Variants in RUFY1 observed in about 807,000 individuals in gnomAD.
RUFY1 encodes the protein RUN and FYVE domain-containing protein 1.
Under a neutral mutation model 94.6 loss-of-function variants are expected in RUFY1, and 54 were observed. The ratio of observed to expected loss-of-function variants is 0.57; its 90% CI spans 0.46 to 0.72. RUFY1 has a LOEUF of 0.72. RUFY1 is among the 30% of genes least tolerant of loss of function. The pLI is 0.00. For synonymous variants in RUFY1, 396 were observed against 347.3 expected, an observed-to-expected ratio of 1.14 and a Z score of -1.56; for missense variants, 883 against 883.9, an observed-to-expected ratio of 1.00 and a Z score of 0.01.
chr5:179,555,217 G>A (rs1002404185), intron 1 of RUFY1, among the ~76,000 whole-genome samples: 10 of 152,138 alleles, frequency 6.6e-5, no homozygotes, highest in Admixed American at 2.0e-4. Context: ...GCTCATGCCT[G>A]TAATCCCAGT....
intron 5 of RUFY1, among the ~76,000 whole-genome samples, chr5:179,574,560 C>T (rs563897413): frequency 6.6e-6 from 1 of 152,146 alleles, no homozygotes; most frequent in Non-Finnish European, 1.5e-5. Context: ...GTTCTTTGAC[C>T]ACTTTAACTT....
intron 17 of RUFY1, among the ~76,000 whole-genome samples, 168 bp from the exon 18 acceptor site, chr5:179,609,206 CAA>C (rs5873655): frequency 4.1e-3 from 499 of 121,372 alleles, no homozygotes; most frequent in Non-Finnish European, 5.0e-3. Flanking sequence ...GACTCTATCT[CAA>C]AAAAAAAAAA....
intron 13 of RUFY1, among the ~76,000 whole-genome samples, chr5:179,597,573 T>C (rs571457168): frequency 1.3e-5 from 2 of 152,120 alleles, no homozygotes; most frequent in South Asian, 4.1e-4. Flanking sequence ...GGTTTTGCCA[T>C]GTTGGCCAGG....
At chr5:179,594,522 G>A (rs1016074982) in intron 11 of RUFY1, among the ~76,000 whole-genome samples, 11 of 148,000 alleles carry the variant, frequency 7.4e-5, no homozygotes, top group South Asian at 4.4e-4. Flanking sequence ...AGCACTCTGG[G>A]AGGCCAAGGC....
intron 3 of RUFY1, chr5:179,562,889 A>G (rs1331699493): frequency 2.3e-6 from 1 of 433,966 alleles, no homozygotes. Context: ...TAGGTTGAAA[A>G]GGTGTTGTCA....
chr5:179,560,504 G>T (rs1027223690), intron 2 of RUFY1, among the ~76,000 whole-genome samples: 2 of 151,926 alleles, frequency 1.3e-5, no homozygotes, highest in African/African-American at 2.4e-5. Context: ...CGGATCACGA[G>T]GTCAGGATAT....
chr5:179,596,595 T>C lies in RUFY1; in HGVS notation c.1545T>C (p.Ala515=). The C allele has an allele frequency of 1.2e-6, 2 of 1,613,406 alleles. No individual in the cohort carries two copies. The highest frequency in any genetic ancestry group is 1.3e-5 in the African/African-American group (1 of 75,032). ...LQHSERARQG[A]EERSHKLQQE... is the part of the protein sequence containing the mutation. ...ACTCGGAGCGGGCGAGGCAGGGGGC[T>C]GAGGAGCGGAGCCACAAGCTGCAGC... Residue 515 remains alanine (A), a synonymous_variant, in exon 13 of 18, where the codon GCT becomes GCC. Transcript: ENST00000319449.
chr5:179,609,152 A>G (rs1581587112), intron 17 of RUFY1, among the ~76,000 whole-genome samples: 1 of 143,954 alleles, frequency 6.9e-6, no homozygotes, highest in Non-Finnish European at 1.5e-5. Flanking sequence ...GCTTGCAGTG[A>G]GCTGAGATCG....
intron 5 of RUFY1, among the ~76,000 whole-genome samples, chr5:179,576,708 A>G (rs1354910758): frequency 2.0e-5 from 3 of 152,184 alleles, no homozygotes; most frequent in Non-Finnish European, 4.4e-5. Flanking sequence ...GGCGTGAGCC[A>G]CCACGCCTGG....
At chr5:179,607,875 C>T (rs1473358094) in intron 17 of RUFY1, among the ~76,000 whole-genome samples, 2 of 152,210 alleles carry the variant, frequency 1.3e-5, no homozygotes, top group Non-Finnish European at 2.9e-5. Flanking sequence ...GTCATAGGCC[C>T]CTGGTCTCCA....
At chr5:179,598,055 T>C (rs1482722538) in intron 13 of RUFY1, among the ~76,000 whole-genome samples, 1 of 152,220 alleles carries the variant, frequency 6.6e-6, no homozygotes, top group Non-Finnish European at 1.5e-5. Context: ...CTGGGCGTGG[T>C]GGCGTGTGCC....
At chr5:179,583,725 ATATTTTTATT>A (rs1764364779) in intron 7 of RUFY1, among the ~76,000 whole-genome samples, 1 of 144,784 alleles carries the variant, frequency 6.9e-6, no homozygotes, top group Admixed American at 7.0e-5. Context: ...CCAGTCATTT[ATATTTTTATT>A]TATTTTTATT....
chr5:179,573,949 C>G (rs987125131), intron 5 of RUFY1, among the ~76,000 whole-genome samples: 7 of 152,310 alleles, frequency 4.6e-5, no homozygotes, highest in African/African-American at 1.4e-4. Flanking sequence ...TTATTGAATA[C>G]TATCCCTGAA....
chr5:179,560,269 G>T, intron 2 of RUFY1, 71 bp downstream of exon 2: 1 of 1,534,170 alleles, frequency 6.5e-7, no homozygotes, highest in Non-Finnish European at 8.8e-7. Context: ...TTTCATCAGC[G>T]CCAGACATCC....
chr5:179,551,445 CCAATA>C (rs1274291540), intron 1 of RUFY1, among the ~76,000 whole-genome samples: 4 of 152,236 alleles, frequency 2.6e-5, no homozygotes, highest in Admixed American at 2.0e-4. Flanking sequence ...GCTGTGCTAT[CCAATA>C]CAACAGCACG....
intron 1 of RUFY1, among the ~76,000 whole-genome samples, chr5:179,558,718 T>G (rs1392574115): frequency 6.6e-6 from 1 of 152,204 alleles, no homozygotes; most frequent in African/African-American, 2.4e-5. Flanking sequence ...GCTGAGATAA[T>G]TTTGAATTTT....
At chr5:179,603,462 C>G (rs1457640812) in intron 15 of RUFY1, 1 of 147,106 alleles carries the variant, frequency 6.8e-6, no homozygotes, top group Non-Finnish European at 1.5e-5. Flanking sequence ...GTGCCCTGTG[C>G]TGCTCCCGTC....
chr5:179,607,801 TCTC>T lies in RUFY1; in HGVS notation c.1983+145_1983+147del, dbSNP rs1314001555. On this transcript the variant is annotated intron_variant, in intron 17 of 17. Transcript: ENST00000319449. ...ACTGTGGCAGATGGGCAGCCCCGCCTCTCCTGTTTGCCTGTGCAGATGGCTTTC... is the reference window on the plus strand; with the variant it reads ...ACTGTGGCAGATGGGCAGCCCCGCCTCTGTTTGCCTGTGCAGATGGCTTTC... 23 of 715,308 alleles carry T rather than the reference TCTC, an allele frequency of 3.2e-5. No homozygotes were observed. In the East Asian group the frequency reaches 5.9e-4, roughly 18 times the overall value. The allele number at this position is 715,308 out of a possible 1,614,324, so 44.3% of individuals were successfully genotyped here. A position where few individuals can be genotyped will look rare whatever the true frequency, so the allele number is the denominator to read the frequency against.
At chr5:179,560,310 G>C in intron 2 of RUFY1, 112 bp downstream of exon 2, 1 of 1,333,408 alleles carries the variant, frequency 7.5e-7, no homozygotes, top group Non-Finnish European at 1.0e-6. Flanking sequence ...GCAGTGTACA[G>C]AACAGGCAAG....
Sources: allele counts gnomAD v4.1 joint callset (sites outside exome capture counted in the v4.1 genomes callset), GRCh38; gene constraint gnomAD v4.1.1; transcripts MANE v1.5; gene names NCBI Gene and HGNC (gene_info 2026-07-23, HGNC 2026-07-21).